The following OTOGL variants were observed in gnomAD, a reference collection of about 807,000 sequenced individuals.
OTOGL encodes otogelin like.
A neutral mutation model predicts 318.5 loss-of-function variants in OTOGL; 285 were observed. That is an observed-to-expected ratio of 0.89 (90% CI 0.81 to 0.99). OTOGL has a LOEUF of 0.99. OTOGL is among the 50% of genes least tolerant of loss of function. The pLI is 0.00. For synonymous variants in OTOGL, 987 were observed against 936.5 expected (o/e 1.05, Z -0.99); for missense variants, 2,899 against 2,845.6 (o/e 1.02, Z -0.43).
chr12:80,306,149 T>A (rs1401936747), intron 29 of OTOGL, among the ~76,000 whole-genome samples: 1 of 152,182 alleles, frequency 6.6e-6, no homozygotes, highest in Non-Finnish European at 1.5e-5. Context: ...CACGTGTATA[T>A]GTGTGTGGGT....
intron 1 of OTOGL, among the ~76,000 whole-genome samples, chr12:80,194,616 A>G (rs566930942): frequency 6.6e-6 from 1 of 152,348 alleles, no homozygotes; most frequent in Admixed American, 6.5e-5. Context: ...TACTGCTGTA[A>G]TAAACATTTG....
At chr12:80,238,581 C>T (rs1029360120) in intron 9 of OTOGL, among the ~76,000 whole-genome samples, 2 of 152,162 alleles carry the variant, frequency 1.3e-5, no homozygotes, top group East Asian at 3.9e-4. Flanking sequence ...ACGTTGTACT[C>T]ACTCACCTTC....
At chr12:80,328,484 A>T (rs996470797) in intron 35 of OTOGL, among the ~76,000 whole-genome samples, 181 bp from the exon 36 acceptor site, 5 of 152,178 alleles carry the variant, frequency 3.3e-5, no homozygotes, top group Non-Finnish European at 7.3e-5. Flanking sequence ...TTCTCTTATC[A>T]TCCTCTAGCT....
intron 30 of OTOGL, among the ~76,000 whole-genome samples, chr12:80,311,251 A>G (rs191202592): frequency 6.6e-6 from 1 of 152,300 alleles, no homozygotes. Flanking sequence ...ATTAAGTAAT[A>G]TTTCTGCTGC....
chr12:80,170,028 G>A (rs1307499113), intron 1 of OTOGL, among the ~76,000 whole-genome samples: 4 of 152,230 alleles, frequency 2.6e-5, no homozygotes, highest in Non-Finnish European at 4.4e-5. Context: ...ATACCTAGGA[G>A]TAAATGAGTG....
At chr12:80,370,423 ACT>A (rs1491005630) in intron 55 of OTOGL, 145 bp from the exon 56 acceptor site, 8 of 504,744 alleles carry the variant, frequency 1.6e-5, no homozygotes, top group African/African-American at 2.4e-5. Flanking sequence ...TTTTAGATAA[ACT>A]TAGGGTCATT....
intron 35 of OTOGL, among the ~76,000 whole-genome samples, chr12:80,326,326 T>C (rs1009746536): frequency 6.6e-6 from 1 of 152,122 alleles, no homozygotes; most frequent in African/African-American, 2.4e-5. Flanking sequence ...AATACTGTTA[T>C]TCCTATTATC....
At chr12:80,294,304 T>G (rs1021765232) in intron 26 of OTOGL, among the ~76,000 whole-genome samples, 4 of 152,040 alleles carry the variant, frequency 2.6e-5, no homozygotes, top group African/African-American at 9.7e-5. Flanking sequence ...TTCTTGACAT[T>G]TCAGATTTAA....
intron 57 of OTOGL, among the ~76,000 whole-genome samples, chr12:80,376,547 A>T (rs1891185824): frequency 6.6e-6 from 1 of 152,160 alleles, no homozygotes; most frequent in Non-Finnish European, 1.5e-5. Context: ...AAGTGTTTTC[A>T]TTTGAAATTA....
chr12:80,286,467 ACT>A (rs751670433), intron 26 of OTOGL, among the ~76,000 whole-genome samples: 2 of 151,174 alleles, frequency 1.3e-5, no homozygotes, highest in African/African-American at 2.4e-5. Context: ...CCTTTTTGTA[ACT>A]CTGGTAGAAT....
intron 1 of OTOGL, among the ~76,000 whole-genome samples, chr12:80,193,189 A>C (rs917301072): frequency 2.6e-5 from 4 of 152,138 alleles, no homozygotes; most frequent in African/African-American, 9.7e-5. Flanking sequence ...CTTCATTTTA[A>C]ACAGAACATA....
At chr12:80,176,858 T>G (rs1332491579) in intron 1 of OTOGL, among the ~76,000 whole-genome samples, 3 of 152,206 alleles carry the variant, frequency 2.0e-5, no homozygotes, top group African/African-American at 7.2e-5. Flanking sequence ...TACGTTCTTA[T>G]AAGCACTGTG....
chr12:80,254,244 A>G (rs900256830), intron 14 of OTOGL, among the ~76,000 whole-genome samples: 1 of 152,074 alleles, frequency 6.6e-6, no homozygotes, highest in Non-Finnish European at 1.5e-5. Flanking sequence ...GTTGATCTTC[A>G]TCATAGTCAG....
intron 46 of OTOGL, 138 bp downstream of exon 46, chr12:80,353,648 T>G: frequency 1.4e-6 from 1 of 709,526 alleles, no homozygotes; most frequent in Non-Finnish European, 2.0e-6. Context: ...TGTTTGTAGT[T>G]TGATTTTAAT....
chr12:80,287,091 G>A lies in OTOGL; in HGVS notation c.2928+7925G>A, dbSNP rs1011173619. ...AGCTGTGTCCCAGAGATTCTGGTAC[G>A]TTGTGTCTTTGTTCTCACTGGTTTC... On this transcript the variant is annotated intron_variant, in intron 26 of 58. Transcript: ENST00000547103. Among the ~76,000 whole-genome samples, 63 of 148,778 alleles carry A rather than the reference G, an allele frequency of 4.2e-4. 1 individual carries two copies. Among genetic ancestry groups the A allele is most frequent in the Admixed American group, 3.3e-4 (5 of 15,138 alleles).
chr12:80,123,324 G>A (rs1592469955), intron 1 of OTOGL, among the ~76,000 whole-genome samples: 1 of 152,014 alleles, frequency 6.6e-6, no homozygotes, highest in Admixed American at 6.6e-5. Flanking sequence ...GAGAATGATG[G>A]TTTCCAGCAT....
At chr12:80,262,167 A>G in intron 19 of OTOGL, 74 bp downstream of exon 19, 1 of 1,344,240 alleles carries the variant, frequency 7.4e-7, no homozygotes, top group Non-Finnish European at 9.9e-7. Context: ...TAATTTTATA[A>G]AATTAGATAG....
chr12:80,128,869 G>A (rs1483401614), intron 1 of OTOGL, among the ~76,000 whole-genome samples: 1 of 152,160 alleles, frequency 6.6e-6, no homozygotes, highest in African/African-American at 2.4e-5. Flanking sequence ...CTGGTGTGCC[G>A]TTTGCTAAGA....
intron 12 of OTOGL, 56 bp from the exon 13 acceptor site, chr12:80,252,020 A>T (rs903889955): frequency 3.6e-5 from 51 of 1,415,020 alleles, no homozygotes; most frequent in Non-Finnish European, 4.6e-5. Flanking sequence ...TATAATTTTA[A>T]AAAAGAAATA....
Sources: gnomAD v4.1 joint callset for allele counts (sites outside exome capture counted in the v4.1 genomes callset) on GRCh38, gnomAD v4.1.1 for gene constraint, MANE v1.5 for transcripts, NCBI Gene and HGNC (gene_info 2026-07-23, HGNC 2026-07-21) for gene names.